GAREM1: variants seen among roughly 807,000 people sequenced by gnomAD.
GAREM1 encodes the protein GRB2 associated regulator of MAPK1 subtype 1, also known as GRB2-associated and regulator of MAPK protein 1.
GAREM1 carries 26 observed loss-of-function variants against 71.3 expected under a neutral mutation model. The observed-to-expected ratio is 0.36, with a 90% CI of 0.27 to 0.51. The LOEUF is 0.51. Ranked by LOEUF, GAREM1 falls within the 20% of genes least tolerant of loss-of-function variation. The probability of loss-of-function intolerance (pLI) is 0.95; values close to 1 mark genes in which losing one functional copy is unlikely to be tolerated. For synonymous variants in GAREM1, 440 were observed against 433.2 expected (o/e 1.02, Z -0.20); for missense variants, 1,026 against 1,103.1 (o/e 0.93, Z 0.99).
intron 1 of GAREM1, among the ~76,000 whole-genome samples, chr18:32,439,645 C>CTT (rs34313807): frequency 6.5e-4 from 95 of 146,288 alleles, no homozygotes; most frequent in South Asian, 1.5e-3. Context: ...ACCAAATGAG[C>CTT]TTTTTTTTTT....
chr18:32,280,706 G>T (rs2041601399), intron 4 of GAREM1, among the ~76,000 whole-genome samples: 1 of 152,176 alleles, frequency 6.6e-6, no homozygotes, highest in African/African-American at 2.4e-5. Context: ...TTAAAAGTCA[G>T]ATTAAAAGAA....
intron 4 of GAREM1, among the ~76,000 whole-genome samples, chr18:32,274,407 T>C (rs1180052585): frequency 6.6e-6 from 1 of 152,228 alleles, no homozygotes; most frequent in East Asian, 1.9e-4. Context: ...TCAATCACCC[T>C]ATCTCCAGTT....
intron 1 of GAREM1, among the ~76,000 whole-genome samples, chr18:32,398,534 A>G (rs1395420485): frequency 1.3e-5 from 2 of 152,198 alleles, no homozygotes; most frequent in East Asian, 3.8e-4. Flanking sequence ...GAATACTATA[A>G]ACACCTCTAT....
chr18:32,312,144 T>TA (rs1235425417), intron 2 of GAREM1, among the ~76,000 whole-genome samples: 1 of 152,168 alleles, frequency 6.6e-6, no homozygotes, highest in Non-Finnish European at 1.5e-5. Context: ...AAAAAGTTCT[T>TA]AGACACCGAA....
chr18:32,364,098 G>A (rs558007966), intron 2 of GAREM1, among the ~76,000 whole-genome samples: 5 of 135,204 alleles, frequency 3.7e-5, no homozygotes, highest in South Asian at 4.9e-4. Context: ...GCAGTGGTGC[G>A]ATCTCAGCTC....
chr18:32,267,498 TG>T lies in GAREM1; in HGVS notation c.*372del, dbSNP rs1254009983. The T allele has an allele frequency of 7.2e-6, 1 of 139,494 alleles. No individual in the cohort carries two copies. The highest frequency in any genetic ancestry group is 3.6e-5 in the African/African-American group (1 of 27,566). 8.6% of individuals were successfully genotyped at this position (139,494 alleles called of 1,614,324 possible). A position where few individuals can be genotyped will look rare whatever the true frequency, so the allele number is the denominator to read the frequency against. ...CTGAAAGAAGGGACTTGTTCAAAAG[TG>T]TTTTTTTTTTTTTTTTAAAGATTTT... On this transcript the variant is annotated 3_prime_UTR_variant, in exon 6 of 6. Transcript: ENST00000269209.
rs1398255219 is a variant in GAREM1, at chr18:32,366,304, C to G, written c.262+26591G>C. Reference sequence around the variant, plus strand: ...TTACATTGTAACAGTAAACACTTAACAGTAAACCTCATAAGCCTGCCTCCT... The same window carrying G: ...TTACATTGTAACAGTAAACACTTAAGAGTAAACCTCATAAGCCTGCCTCCT... On this transcript the variant is annotated intron_variant, in intron 2 of 5. Transcript: ENST00000269209. Among the ~76,000 whole-genome samples the G allele has an allele frequency of 3.9e-5, 6 of 152,178 alleles. No individual in the cohort carries two copies. In the East Asian group the frequency reaches 1.2e-3, roughly 29 times the overall value.
chr18:32,458,900 G>A (rs1181839431), intron 1 of GAREM1, among the ~76,000 whole-genome samples: 1 of 151,876 alleles, frequency 6.6e-6, no homozygotes, highest in African/African-American at 2.4e-5. Context: ...TAAAAATAAC[G>A]AATTTTGAAC....
At chr18:32,467,347 T>C (rs954867600) in intron 1 of GAREM1, among the ~76,000 whole-genome samples, 1 of 152,226 alleles carries the variant, frequency 6.6e-6, no homozygotes, top group Non-Finnish European at 1.5e-5. Flanking sequence ...TTAGAGCAGA[T>C]GTCAGAACAA....
At chr18:32,444,265 T>C (rs760944607) in intron 1 of GAREM1, among the ~76,000 whole-genome samples, 20 of 152,230 alleles carry the variant, frequency 1.3e-4, no homozygotes, top group Admixed American at 6.5e-4. Flanking sequence ...TTTTATAGTA[T>C]GTGAATTATT....
At chr18:32,436,076 T>C (rs11081765) in intron 1 of GAREM1, among the ~76,000 whole-genome samples, 1 of 151,952 alleles carries the variant, frequency 6.6e-6, no homozygotes, top group African/African-American at 2.4e-5. Context: ...CTAGCAGGAA[T>C]AATAAAATAT....
intron 2 of GAREM1, among the ~76,000 whole-genome samples, chr18:32,379,771 T>A (rs1346822771): frequency 6.6e-6 from 1 of 151,550 alleles, no homozygotes; most frequent in Non-Finnish European, 1.5e-5. Flanking sequence ...AAAATACACT[T>A]GGGGGGCTGA....
intron 2 of GAREM1, among the ~76,000 whole-genome samples, chr18:32,367,275 T>C (rs891027993): frequency 2.0e-5 from 3 of 152,216 alleles, no homozygotes; most frequent in Non-Finnish European, 4.4e-5. Flanking sequence ...GGGATACTGA[T>C]TTCTGACTGG....
At chr18:32,430,066 G>C (rs1310500698) in intron 1 of GAREM1, among the ~76,000 whole-genome samples, 1 of 152,196 alleles carries the variant, frequency 6.6e-6, no homozygotes, top group Non-Finnish European at 1.5e-5. Context: ...AACACTGAAA[G>C]AGTTGTTGCT....
At chr18:32,342,711 T>C (rs921287470) in intron 2 of GAREM1, among the ~76,000 whole-genome samples, 1 of 152,168 alleles carries the variant, frequency 6.6e-6, no homozygotes, top group Non-Finnish European at 1.5e-5. Flanking sequence ...CCCTTATACA[T>C]ACAAATTGAA....
intron 3 of GAREM1, among the ~76,000 whole-genome samples, chr18:32,304,679 C>A (rs1428741061): frequency 1.3e-5 from 2 of 152,182 alleles, no homozygotes; most frequent in Non-Finnish European, 2.9e-5. Flanking sequence ...ATTCTGATGA[C>A]AAATCTATGA....
intron 2 of GAREM1, among the ~76,000 whole-genome samples, chr18:32,322,660 C>A (rs1022896804): frequency 1.3e-5 from 2 of 152,030 alleles, no homozygotes; most frequent in African/African-American, 4.8e-5. Context: ...CTTTTTATTC[C>A]CAGTACTCAA....
chr18:32,273,606 C>T (rs1453636510), intron 4 of GAREM1, among the ~76,000 whole-genome samples: 2 of 152,068 alleles, frequency 1.3e-5, no homozygotes, highest in African/African-American at 4.8e-5. Context: ...TAGCCAGGGC[C>T]AACTGGGAGT....
chr18:32,311,560 A>G (rs891976253), intron 2 of GAREM1, among the ~76,000 whole-genome samples: 3 of 152,150 alleles, frequency 2.0e-5, no homozygotes, highest in Non-Finnish European at 4.4e-5. Context: ...GAGTGCAGGG[A>G]GACCAATCAG....
Sources: allele counts gnomAD v4.1 joint callset (sites outside exome capture counted in the v4.1 genomes callset), GRCh38; gene constraint gnomAD v4.1.1; transcripts MANE v1.5; gene names NCBI Gene and HGNC (gene_info 2026-07-23, HGNC 2026-07-21).